Variants in RSRP1 observed in about 807,000 individuals in gnomAD.
RSRP1 encodes the protein arginine/serine-rich protein 1.
RSRP1 carries 37 observed loss-of-function variants against 33.0 expected under a neutral mutation model. The ratio of observed to expected loss-of-function variants is 1.12; its 90% CI spans 0.86 to 1.48. The LOEUF (loss-of-function observed/expected upper bound fraction) is 1.48, where lower values mean the gene tolerates loss of function less well. Ranked by LOEUF, RSRP1 falls within the 40% of genes most tolerant of loss-of-function variation. The pLI, the probability that RSRP1 is intolerant of heterozygous loss-of-function variation, is 0.00. For missense variants in RSRP1, 402 were observed against 385.3 expected, an observed-to-expected ratio of 1.04 and a Z score of -0.36; for synonymous variants, 167 against 158.7, an observed-to-expected ratio of 1.05 and a Z score of -0.40.
chr1:25,249,427 G>C (rs560120585), upstream of RSRP1, among the ~76,000 whole-genome samples: 1 of 152,056 alleles, frequency 6.6e-6, no homozygotes, highest in Non-Finnish European at 1.5e-5. Flanking sequence ...CAACCTCTGC[G>C]TACTGGGTTC....
At position 25,269,300 on chromosome 1, in the gene RSRP1, T is replaced by A. The variant is rs1166285008; in HGVS notation, c.-66-22271A>T. Among the ~76,000 whole-genome samples the A allele has an allele frequency of 3.8e-5, 5 of 130,954 alleles. 1 individual carries two copies. The allele number at this position is 130,954 out of a possible 152,430, so 85.9% of individuals were successfully genotyped here. A position where few individuals can be genotyped will look rare whatever the true frequency, so the allele number is the denominator to read the frequency against. ...ACTGTACGGAAAGTGAAAGACGGAG[T>A]GGTGGGATGGGAACTCTAAGCGCGG... On this transcript the variant is annotated intron_variant, in intron 1 of 1. Coordinates refer to the RSRP1 transcript ENST00000561867.
chr1:25,286,179 T>C (rs1355305079), intron 1 of RSRP1, among the ~76,000 whole-genome samples: 1 of 135,322 alleles, frequency 7.4e-6, no homozygotes, highest in Non-Finnish European at 1.8e-5. Context: ...AAAAACTTTA[T>C]ATATTTTTCT....
rs1644133603 is a variant in RSRP1 at position 25,311,301 on chromosome 1, G to C, written c.-67+26677C>G. Among the ~76,000 whole-genome samples, 2 of 132,218 alleles carry C rather than the reference G, an allele frequency of 1.5e-5. 1 individual carries two copies. Among genetic ancestry groups the C allele is most frequent in the African/African-American group, 5.2e-5 (2 of 38,798 alleles). 86.7% of individuals were successfully genotyped at this position (132,218 alleles called of 152,430 possible). ...GTAGGTCAGCCATGTTGTAGGGAAT[G>C]AAAGAACATTTTCAGCTGAGAACAC... On this transcript the variant is annotated intron_variant, in intron 1 of 1. Transcript: ENST00000561867.
chr1:25,321,211 G>A (rs1189763627), intron 1 of RSRP1, among the ~76,000 whole-genome samples: 1 of 129,124 alleles, frequency 7.7e-6, no homozygotes, highest in East Asian at 2.0e-4. Context: ...GCACCCAATT[G>A]GAGTCACCCT....
chr1:25,260,002 G>A (rs558618717), intron 1 of RSRP1, among the ~76,000 whole-genome samples: 1 of 152,004 alleles, frequency 6.6e-6, no homozygotes, highest in African/African-American at 2.4e-5. Flanking sequence ...GATTGTATAC[G>A]CATCCCAAGA....
chr1:25,242,790 T>C (rs542434165), intron 4 of RSRP1, 85 bp from the exon 5 acceptor site: 2 of 955,292 alleles, frequency 2.1e-6, no homozygotes, highest in South Asian at 2.9e-5. Flanking sequence ...TAATCCCATG[T>C]ATGAGCCTTA....
rs1420921489 is a variant in RSRP1 at position 25,310,721 on chromosome 1, C to A, written c.-67+27257G>T. On this transcript the variant is annotated intron_variant, in intron 1 of 1. Coordinates refer to the RSRP1 transcript ENST00000561867. The stretch of plus-strand genomic sequence containing the variant: ...GCACGGTGTCTCAGGCTTATAATCC[C>A]AGCACTTTGGGAGGCCAAAGCAGGT... Among the ~76,000 whole-genome samples, 12 of 132,442 alleles carry A rather than the reference C, an allele frequency of 9.1e-5. 3 individuals are homozygous for A. The highest frequency in any genetic ancestry group is 8.9e-4 in the Admixed American group (12 of 13,484). The allele number at this position is 132,442 out of a possible 152,430, so 86.9% of individuals were successfully genotyped here. A position where few individuals can be genotyped will look rare whatever the true frequency, so the allele number is the denominator to read the frequency against.
chr1:25,337,003 T>G (rs1183026408), intron 1 of RSRP1: 1 of 153,226 alleles, frequency 6.5e-6, no homozygotes, highest in African/African-American at 2.4e-5. Context: ...GTCAATCAGA[T>G]GAACCTGTGC....
rs919301904 is a variant in RSRP1, at chr1:25,242,361, A to G, written c.*228T>C. The G allele has an allele frequency of 5.9e-6, 2 of 340,962 alleles. No homozygotes were observed. The highest frequency in any genetic ancestry group is 1.1e-5 in the Non-Finnish European group (2 of 186,766). 21.1% of individuals were successfully genotyped at this position (340,962 alleles called of 1,614,324 possible). ...CAAGACAATATTTACAACTATATAC[A>G]AAAGACTCCCACCTGTGCATAACCT... On this transcript the variant is annotated 3_prime_UTR_variant, in exon 5 of 5. Coordinates refer to ENST00000243189, the MANE Select transcript of RSRP1 (RefSeq NM_020317.5).
chr1:25,312,089 AGG>A lies in RSRP1; in HGVS notation c.-67+25887_-67+25888del, dbSNP rs765914618. ...CATGGGCAGAACCCAGCAAAACCAC[AGG>A]GGCAGAGCTCCCCGAAGCTTCGGGG... On this transcript the variant is annotated intron_variant, in intron 1 of 1. Coordinates refer to the RSRP1 transcript ENST00000561867. 8.1e-5 allele frequency among the ~76,000 whole-genome samples: 8 copies of A among 99,146 alleles called. 1 individual carries two copies. The highest frequency in any genetic ancestry group is 1.7e-4 in the Non-Finnish European group (7 of 41,874). The allele number at this position is 99,146 out of a possible 152,430, so 65.0% of individuals were successfully genotyped here. A position where few individuals can be genotyped will look rare whatever the true frequency, so the allele number is the denominator to read the frequency against.
Position 25,270,528 on chromosome 1 carries a change from G to T in RSRP1, c.-66-23499C>A, listed in dbSNP as rs1640463126. Among the ~76,000 whole-genome samples, 2 of 131,634 alleles carry T rather than the reference G, an allele frequency of 1.5e-5. 1 individual carries two copies. The highest frequency in any genetic ancestry group is 3.6e-5 in the Non-Finnish European group (2 of 55,622). 86.4% of individuals were successfully genotyped at this position (131,634 alleles called of 152,430 possible). A position where few individuals can be genotyped will look rare whatever the true frequency, so the allele number is the denominator to read the frequency against. Reference sequence around the variant, plus strand: ...TAACTAATGCCTGATGATCTGAGGTGGAACAGTTTCATCCCCAAACCATCC... The same window carrying T: ...TAACTAATGCCTGATGATCTGAGGTTGAACAGTTTCATCCCCAAACCATCC... On this transcript the variant is annotated intron_variant, in intron 1 of 1. Transcript: ENST00000561867.
Position 25,328,960 on chromosome 1 carries a change from A to C in RSRP1, c.-67+9018T>G, listed in dbSNP as rs201900068. On this transcript the variant is annotated intron_variant, in intron 1 of 1. Coordinates refer to the RSRP1 transcript ENST00000561867. ...CCAAGAAAAACAAGGCCTGTTCAAA[A>C]ACAAGACAACTTCCTCTCACTGTTG... is the stretch of plus-strand genomic sequence containing the variant. The C allele has an allele frequency of 4.5e-6, 6 of 1,336,868 alleles. No individual in the cohort carries two copies. In the East Asian group the frequency reaches 1.4e-4, roughly 30 times the overall value. 82.8% of individuals were successfully genotyped at this position (1,336,868 alleles called of 1,614,324 possible). A position where few individuals can be genotyped will look rare whatever the true frequency, so the allele number is the denominator to read the frequency against.
At chr1:25,318,155 C>G (rs1277275631) in intron 1 of RSRP1, 1 of 130,244 alleles carries the variant, frequency 7.7e-6, no homozygotes, top group African/African-American at 2.6e-5. Flanking sequence ...AACCCCATCT[C>G]TACTAAAAAT....
rs1369806687 is a variant in RSRP1 at position 25,287,797 on chromosome 1, T to C, written c.-66-40768A>G. Among the ~76,000 whole-genome samples the C allele has an allele frequency of 2.2e-5, 3 of 134,096 alleles. 1 individual carries two copies. Among genetic ancestry groups the C allele is most frequent in the Non-Finnish European group, 3.5e-5 (2 of 56,474 alleles). 88.0% of individuals were successfully genotyped at this position (134,096 alleles called of 152,430 possible). A position where few individuals can be genotyped will look rare whatever the true frequency, so the allele number is the denominator to read the frequency against. On this transcript the variant is annotated intron_variant, in intron 1 of 1. Coordinates refer to the RSRP1 transcript ENST00000561867. Reference sequence around the variant, plus strand: ...AGTGCAGTGGTACAATCATAGCTCATTGCAGCCTGTGCCTCCTGGGCTCAA... The same window carrying C: ...AGTGCAGTGGTACAATCATAGCTCACTGCAGCCTGTGCCTCCTGGGCTCAA...
In RSRP1 at chr1:25,307,491, A is replaced by G. The variant is rs149085087; in HGVS notation, c.-67+30487T>C. ...TGGTAGCATGATGATAATCATATTC[A>G]CTGATAACATTTACTACTGTTATTG... On this transcript the variant is annotated intron_variant, in intron 1 of 1. Transcript: ENST00000561867. 5.3e-3 allele frequency among the ~76,000 whole-genome samples: 704 copies of G among 132,696 alleles called. 108 individuals are homozygous for G. The highest frequency in any genetic ancestry group is 0.015 in the African/African-American group (576 of 38,618). The allele number at this position is 132,696 out of a possible 152,430, so 87.1% of individuals were successfully genotyped here. A position where few individuals can be genotyped will look rare whatever the true frequency, so the allele number is the denominator to read the frequency against.
Position 25,245,291 on chromosome 1 carries a change from C to T in RSRP1, c.531G>A (p.Glu177=), listed in dbSNP as rs146738208. 38 of 1,611,050 alleles carry T rather than the reference C, an allele frequency of 2.4e-5. No homozygotes were observed. The highest frequency in any genetic ancestry group is 3.2e-5 in the Non-Finnish European group (38 of 1,178,956). ...PFRLSEKDRM[E]LLEIAKTNAA... ...CATTGGTTTTTGCTATTTCTAACAGCTCCATTCGATCTAAAAAAAAAAGAG... is the reference window on the plus strand; with the variant it reads ...CATTGGTTTTTGCTATTTCTAACAGTTCCATTCGATCTAAAAAAAAAAGAG... The change falls in exon 3 of 5, where the codon GAG becomes GAA. Residue 177 remains glutamate, a synonymous_variant. Transcript: ENST00000243189.
At position 25,243,707 on chromosome 1, in the gene RSRP1, C is replaced by A. The variant is rs982255478; in HGVS notation, c.673-74G>T. 5 of 1,563,858 alleles carry A rather than the reference C, an allele frequency of 3.2e-6. No homozygotes were observed. The South Asian group carries it at 4.7e-5, about 15-fold the overall frequency. ...TCTAAATCCTATATTAAAAAATAGCCTAATTGTAAACAAAATTTAGCTGTA... is the reference window on the plus strand; with the variant it reads ...TCTAAATCCTATATTAAAAAATAGCATAATTGTAAACAAAATTTAGCTGTA... On this transcript the variant is annotated intron_variant, in intron 3 of 4. Coordinates refer to ENST00000243189, the MANE Select transcript of RSRP1 (RefSeq NM_020317.5).
At chr1:25,253,508 T>C (rs1484501035) in intron 1 of RSRP1, 1 of 152,166 alleles carries the variant, frequency 6.6e-6, no homozygotes, top group East Asian at 1.9e-4. Context: ...ATTACTGACA[T>C]GCGCGACCAC....
intron 1 of RSRP1, among the ~76,000 whole-genome samples, chr1:25,280,478 G>A (rs1456108747): frequency 7.9e-6 from 1 of 127,370 alleles, no homozygotes; most frequent in Non-Finnish European, 1.9e-5. Flanking sequence ...GCTAATTTTT[G>A]TATTTTTAGT....
Sources: gnomAD v4.1 joint callset for allele counts (sites outside exome capture counted in the v4.1 genomes callset) on GRCh38, gnomAD v4.1.1 for gene constraint, MANE v1.5 for transcripts, NCBI Gene and HGNC (gene_info 2026-07-23, HGNC 2026-07-21) for gene names.